The following NTNG1 variants were observed in gnomAD, a reference collection of about 807,000 sequenced individuals.
The protein encoded by NTNG1 is netrin G1, also known as netrin-G1.
NTNG1 carries 16 observed loss-of-function variants against 54.0 expected under a neutral mutation model. The observed-to-expected ratio is 0.30, with a 90% CI of 0.20 to 0.45. The LOEUF is 0.45. NTNG1 is among the 20% of genes least tolerant of loss of function. The pLI, the probability that NTNG1 is intolerant of heterozygous loss-of-function variation, is 1.00. For synonymous variants in NTNG1, 255 were observed against 263.1 expected, an observed-to-expected ratio of 0.97 and a Z score of 0.30; for missense variants, 530 against 678.7, an observed-to-expected ratio of 0.78 and a Z score of 2.43.
intron 2 of NTNG1, among the ~76,000 whole-genome samples, chr1:107,187,450 A>G (rs909464619): frequency 2.0e-5 from 3 of 152,158 alleles, no homozygotes; most frequent in Admixed American, 6.6e-5. Context: ...GGCTTACAAG[A>G]TCTCTGAAAG....
chr1:107,286,422 AC>A (rs1356824643), intron 2 of NTNG1, among the ~76,000 whole-genome samples: 2 of 152,132 alleles, frequency 1.3e-5, no homozygotes, highest in African/African-American at 4.8e-5. Flanking sequence ...AGAAATAGGA[AC>A]CATGCAAGGA....
At chr1:107,416,031 A>T (rs12754313) in intron 5 of NTNG1, among the ~76,000 whole-genome samples, 67,411 of 152,044 alleles carry the variant, frequency 0.44, 15,207 homozygotes, top group Middle Eastern at 0.51. Flanking sequence ...AAATACATTT[A>T]AAAAATTAAG....
chr1:107,378,431 A>C (rs1000917725), intron 3 of NTNG1, among the ~76,000 whole-genome samples: 1 of 152,210 alleles, frequency 6.6e-6, no homozygotes, highest in Non-Finnish European at 1.5e-5. Flanking sequence ...AGACACTTCA[A>C]ATCAAATCAT....
At chr1:107,145,416 G>A (rs1654031803) in intron 1 of NTNG1, among the ~76,000 whole-genome samples, 1 of 151,992 alleles carries the variant, frequency 6.6e-6, no homozygotes, top group South Asian at 2.1e-4. Flanking sequence ...AGAAGACCCT[G>A]AAATGCAGGA....
chr1:107,184,204 T>C (rs1170143032), intron 2 of NTNG1, among the ~76,000 whole-genome samples: 1 of 152,166 alleles, frequency 6.6e-6, no homozygotes, highest in African/African-American at 2.4e-5. Context: ...TCTCCTAGCA[T>C]GGCTCCTCTT....
At chr1:107,365,153 A>T (rs1670520607) in intron 3 of NTNG1, among the ~76,000 whole-genome samples, 1 of 152,158 alleles carries the variant, frequency 6.6e-6, no homozygotes, top group Non-Finnish European at 1.5e-5. Context: ...CTATATTACA[A>T]AGTGTTGACT....
chr1:107,216,543 G>A (rs1659970243), intron 2 of NTNG1, among the ~76,000 whole-genome samples: 1 of 152,124 alleles, frequency 6.6e-6, no homozygotes. Context: ...TTTGGATTTG[G>A]TTAGCTAGTA....
intron 3 of NTNG1, among the ~76,000 whole-genome samples, chr1:107,327,573 C>G (rs1668036127): frequency 6.6e-6 from 1 of 152,102 alleles, no homozygotes; most frequent in African/African-American, 2.4e-5. Context: ...GTACACTTTT[C>G]AAAATACAAC....
chr1:107,364,887 G>T (rs2100966898), intron 3 of NTNG1, among the ~76,000 whole-genome samples: 1 of 152,122 alleles, frequency 6.6e-6, no homozygotes, highest in East Asian at 1.9e-4. Flanking sequence ...TCTACCTTTT[G>T]TCTCCCAGTC....
In NTNG1 at chr1:107,393,521, G is replaced by A. The variant is rs548182677; in HGVS notation, c.888-1633G>A. On this transcript the variant is annotated intron_variant, in intron 3 of 7. Transcript: ENST00000370068. Reference sequence around the variant, plus strand: ...TATACAAATGTTCATTTTCAAAGGTGACATTTATGTGTCTAAGTTGAACAA... The same window carrying A: ...TATACAAATGTTCATTTTCAAAGGTAACATTTATGTGTCTAAGTTGAACAA... Among the ~76,000 whole-genome samples, 5 of 151,690 alleles carry A rather than the reference G, an allele frequency of 3.3e-5. No homozygotes were observed. In the East Asian group the frequency reaches 9.7e-4, roughly 29 times the overall value.
intron 4 of NTNG1, among the ~76,000 whole-genome samples, chr1:107,398,754 A>G (rs1431519691): frequency 6.6e-6 from 1 of 152,088 alleles, no homozygotes; most frequent in African/African-American, 2.4e-5. Context: ...TAGAAAAGAC[A>G]TTTTTCTTCT....
At chr1:107,399,490 G>A (rs112397729) in intron 4 of NTNG1, among the ~76,000 whole-genome samples, 3,733 of 152,230 alleles carry the variant, frequency 0.025, 80 homozygotes, top group Non-Finnish European at 0.037. Flanking sequence ...AAAGTAATTT[G>A]ATGATTGTTC....
At chr1:107,460,454 A>G (rs1420213837) in intron 7 of NTNG1, 1 of 517,804 alleles carries the variant, frequency 1.9e-6, no homozygotes, top group Non-Finnish European at 3.9e-6. Context: ...AATCTCACAA[A>G]GAAATCCAAT....
chr1:107,167,165 C>T (rs9628994), intron 2 of NTNG1, among the ~76,000 whole-genome samples: 115,362 of 151,904 alleles, frequency 0.76, 44,076 homozygotes, highest in East Asian at 0.82. Flanking sequence ...ATAAAATTGC[C>T]TAAGTTCTAT....
chr1:107,238,049 G>A (rs921134283), intron 2 of NTNG1, among the ~76,000 whole-genome samples: 1 of 152,172 alleles, frequency 6.6e-6, no homozygotes, highest in African/African-American at 2.4e-5. Context: ...TGGAAAAGCT[G>A]CAGACGCTCA....
intron 2 of NTNG1, among the ~76,000 whole-genome samples, chr1:107,282,437 C>T (rs1261887044): frequency 6.6e-6 from 1 of 152,000 alleles, no homozygotes. Context: ...TATCATGAGG[C>T]CCTCCAGAAT....
chr1:107,185,207 G>A (rs1657361363), intron 2 of NTNG1, among the ~76,000 whole-genome samples: 1 of 152,174 alleles, frequency 6.6e-6, no homozygotes, highest in South Asian at 2.1e-4. Flanking sequence ...GTGACAAAAT[G>A]CCACAAATTG....
intron 5 of NTNG1, among the ~76,000 whole-genome samples, chr1:107,429,757 G>GAGACTTTGTTGGTAGAAAA (rs1557993008): frequency 3.3e-5 from 5 of 152,120 alleles, no homozygotes; most frequent in Non-Finnish European, 5.9e-5. Context: ...TCACACTTTT[G>GAGACTTTGTTGGTAGAAAA]TGATAATTAT....
chr1:107,399,345 C>A (rs931889096), intron 4 of NTNG1, among the ~76,000 whole-genome samples: 1 of 152,164 alleles, frequency 6.6e-6, no homozygotes, highest in African/African-American at 2.4e-5. Context: ...TGTATTCAAT[C>A]TTTTCCTTTT....
Sources: allele counts gnomAD v4.1 joint callset (sites outside exome capture counted in the v4.1 genomes callset), GRCh38; gene constraint gnomAD v4.1.1; transcripts MANE v1.5; gene names NCBI Gene and HGNC (gene_info 2026-07-23, HGNC 2026-07-21).